Variants in PDGFD observed in about 807,000 individuals in gnomAD.
The protein encoded by PDGFD is platelet-derived growth factor D.
A neutral mutation model predicts 44.7 loss-of-function variants in PDGFD; 30 were observed. The observed-to-expected ratio is 0.67, with a 90% CI of 0.50 to 0.91. The LOEUF (loss-of-function observed/expected upper bound fraction) is 0.91. Among genes scored for constraint, PDGFD ranks in the 40% least tolerant of loss-of-function variants. PDGFD has a pLI of 0.00. For missense variants in PDGFD, 445 were observed against 457.8 expected (o/e 0.97, Z 0.25); for synonymous variants, 173 against 168.4 (o/e 1.03, Z -0.21).
intron 1 of PDGFD, among the ~76,000 whole-genome samples, chr11:104,020,182 G>A (rs1859928570): frequency 6.6e-6 from 1 of 152,118 alleles, no homozygotes; most frequent in Non-Finnish European, 1.5e-5. Context: ...ATAAAATGTA[G>A]AGATGGAGAC....
At chr11:103,967,624 C>T (rs185338904) in intron 3 of PDGFD, among the ~76,000 whole-genome samples, 2 of 152,292 alleles carry the variant, frequency 1.3e-5, no homozygotes. Context: ...TCCCTTGCCA[C>T]CTGGCTGTTC....
At chr11:103,952,760 T>C (rs775626149) in intron 3 of PDGFD, among the ~76,000 whole-genome samples, 2 of 152,202 alleles carry the variant, frequency 1.3e-5, no homozygotes, top group Non-Finnish European at 2.9e-5. Context: ...ATTAATAAAA[T>C]TAATTTATAC....
intron 1 of PDGFD, among the ~76,000 whole-genome samples, chr11:104,148,633 T>G (rs149673867): frequency 2.7e-4 from 41 of 152,264 alleles, no homozygotes; most frequent in African/African-American, 8.9e-4. Context: ...AAGTTCAGGT[T>G]TGTTACACAG....
At chr11:104,129,436 C>A (rs568181738) in intron 1 of PDGFD, among the ~76,000 whole-genome samples, 1 of 152,194 alleles carries the variant, frequency 6.6e-6, no homozygotes, top group African/African-American at 2.4e-5. Flanking sequence ...AGCAGACACA[C>A]AGAAATAAAT....
At chr11:104,095,014 C>A (rs991665905) in intron 1 of PDGFD, among the ~76,000 whole-genome samples, 3 of 152,196 alleles carry the variant, frequency 2.0e-5, no homozygotes, top group East Asian at 3.9e-4. Flanking sequence ...GCATCAAGAT[C>A]TTTTCTGCCT....
Position 104,147,002 on chromosome 11 carries a change from T to TAAA in PDGFD, c.124+16799_124+16801dup, listed in dbSNP as rs10700137. 8.1e-3 allele frequency among the ~76,000 whole-genome samples: 1,085 copies of TAAA among 133,716 alleles called. 13 individuals are homozygous for TAAA. Among genetic ancestry groups the TAAA allele is most frequent in the African/African-American group, 0.023 (848 of 36,098 alleles). 87.7% of individuals were successfully genotyped at this position (133,716 alleles called of 152,430 possible). A position where few individuals can be genotyped will look rare whatever the true frequency, so the allele number is the denominator to read the frequency against. ...GTACACACCAGGCACCGGGGCATAC[T>TAAA]AAAAAAAAAAAAAAAAATAGTTGTT... On this transcript the variant is annotated intron_variant, in intron 1 of 6. Transcript: ENST00000393158.
chr11:104,092,874 A>G (rs1861231062), intron 1 of PDGFD, among the ~76,000 whole-genome samples: 1 of 152,170 alleles, frequency 6.6e-6, no homozygotes, highest in Non-Finnish European at 1.5e-5. Context: ...TCCATCTCAT[A>G]TTTTTATGAT....
intron 3 of PDGFD, among the ~76,000 whole-genome samples, chr11:103,958,520 C>T (rs2134335037): frequency 6.6e-6 from 1 of 152,214 alleles, no homozygotes; most frequent in South Asian, 2.1e-4. Flanking sequence ...ATTCCTGCAC[C>T]TTAGGAAAAT....
chr11:103,967,611 T>A lies in PDGFD; in HGVS notation c.511-19887A>T, dbSNP rs192817823. ...TCATCACTTTGGCTTCTCTTATTAA[T>A]ACTCCCTTGCCACCTGGCTGTTCAG... On this transcript the variant is annotated intron_variant, in intron 3 of 6. Coordinates refer to ENST00000393158, the MANE Select transcript of PDGFD (RefSeq NM_025208.5). Among the ~76,000 whole-genome samples the A allele has an allele frequency of 7.9e-5, 12 of 152,330 alleles. No individual in the cohort carries two copies. The East Asian group carries it at 2.1e-3, about 27-fold the overall frequency.
Position 103,907,900 on chromosome 11 carries a change from G to A in PDGFD, c.*1794C>T, listed in dbSNP as rs1857961938. The A allele has an allele frequency of 6.6e-5, 10 of 152,138 alleles. No individual in the cohort carries two copies. Among genetic ancestry groups the A allele is most frequent in the Admixed American group, 6.5e-4 (10 of 15,276 alleles). The allele number at this position is 152,138 out of a possible 1,614,324, so 9.4% of individuals were successfully genotyped here. On this transcript the variant is annotated 3_prime_UTR_variant, in exon 7 of 7. Coordinates refer to ENST00000393158, the MANE Select transcript of PDGFD (RefSeq NM_025208.5). ...TTTAATTTTACCACTCCCCTCTTGAGTAAAAACATCAGACACTTTTAGGAA... is the reference window on the plus strand; with the variant it reads ...TTTAATTTTACCACTCCCCTCTTGAATAAAAACATCAGACACTTTTAGGAA...
At chr11:104,051,584 G>A (rs1441991946) in intron 1 of PDGFD, among the ~76,000 whole-genome samples, 1 of 151,834 alleles carries the variant, frequency 6.6e-6, no homozygotes, top group African/African-American at 2.4e-5. Flanking sequence ...GTAGGTGATT[G>A]TATAGTGAGA....
chr11:104,050,707 G>A lies in PDGFD; in HGVS notation c.125-50452C>T, dbSNP rs115984347. On this transcript the variant is annotated intron_variant, in intron 1 of 6. Coordinates refer to ENST00000393158, the MANE Select transcript of PDGFD (RefSeq NM_025208.5). ...TATCAGCATTCAGTACTGCAGGTCT[G>A]GGGTACTCAATGTCCTTTAGTGTAC... is the stretch of plus-strand genomic sequence containing the variant. 4.5e-3 allele frequency among the ~76,000 whole-genome samples: 686 copies of A among 152,226 alleles called. 8 individuals are homozygous for A. Among genetic ancestry groups the A allele is most frequent in the African/African-American group, 0.016 (653 of 41,526 alleles).
At chr11:104,065,656 A>T (rs1316873181) in intron 1 of PDGFD, among the ~76,000 whole-genome samples, 1 of 152,224 alleles carries the variant, frequency 6.6e-6, no homozygotes, top group Non-Finnish European at 1.5e-5. Flanking sequence ...AAATTCAAAA[A>T]TGATAATAAA....
In PDGFD at chr11:103,972,281, C is replaced by G. The variant is rs544509800; in HGVS notation, c.510+23784G>C. On this transcript the variant is annotated intron_variant, in intron 3 of 6. Coordinates refer to ENST00000393158, the MANE Select transcript of PDGFD (RefSeq NM_025208.5). ...CGCCCACCAGATGCCAGTAGCACAT[C>G]CATCCTTACCCCCACATTGTGACAA... 2.1e-4 allele frequency among the ~76,000 whole-genome samples: 32 copies of G among 152,280 alleles called. No individual in the cohort carries two copies. In the East Asian group the frequency reaches 5.6e-3, roughly 27 times the overall value.
intron 1 of PDGFD, among the ~76,000 whole-genome samples, chr11:104,019,211 G>C (rs1230531424): frequency 6.6e-6 from 1 of 152,116 alleles, no homozygotes; most frequent in Non-Finnish European, 1.5e-5. Context: ...TATTTATCTT[G>C]TTCAATACTG....
At position 104,029,170 on chromosome 11, in the gene PDGFD, T is replaced by G. The variant is rs188288425; in HGVS notation, c.125-28915A>C. Among the ~76,000 whole-genome samples, 579 of 152,310 alleles carry G rather than the reference T, an allele frequency of 3.8e-3. 4 individuals are homozygous for G. In the Middle Eastern group the frequency reaches 0.058, roughly 15 times the overall value. The stretch of plus-strand genomic sequence containing the variant: ...ATAGAGAGACAACCTGCAGAGACAT[T>G]AATGTTCCCAAACCATTTAAAAAAT... On this transcript the variant is annotated intron_variant, in intron 1 of 6. Transcript: ENST00000393158.
intron 1 of PDGFD, among the ~76,000 whole-genome samples, chr11:104,158,240 A>C (rs1266089743): frequency 6.6e-6 from 1 of 152,266 alleles, no homozygotes; most frequent in Non-Finnish European, 1.5e-5. Flanking sequence ...TGTGAAGAAG[A>C]AGTGTGATAA....
At chr11:104,131,619 AT>A (rs1861920030) in intron 1 of PDGFD, among the ~76,000 whole-genome samples, 1 of 152,036 alleles carries the variant, frequency 6.6e-6, no homozygotes, top group Non-Finnish European at 1.5e-5. Context: ...TCTCTCTTAA[AT>A]CCGGTGCTTT....
At chr11:104,140,481 G>C (rs532080948) in intron 1 of PDGFD, among the ~76,000 whole-genome samples, 3 of 143,218 alleles carry the variant, frequency 2.1e-5, no homozygotes, top group South Asian at 2.2e-4. Flanking sequence ...ATGTTCAAAA[G>C]GTGCACTCTT....
Sources: allele counts gnomAD v4.1 joint callset (sites outside exome capture counted in the v4.1 genomes callset), GRCh38; gene constraint gnomAD v4.1.1; transcripts MANE v1.5; gene names NCBI Gene and HGNC (gene_info 2026-07-23, HGNC 2026-07-21).